OR51B5: variants seen among roughly 807,000 people sequenced by gnomAD.
OR51B5 encodes the protein olfactory receptor family 51 subfamily B member 5.
For synonymous variants in OR51B5, 186 were observed against 144.8 expected (o/e 1.28, Z -2.04); for missense variants, 456 against 374.6 (o/e 1.22, Z -1.79).
At chr11:5,368,808 CT>C (rs971240020) in intron 1 of OR51B5, among the ~76,000 whole-genome samples, 7 of 152,222 alleles carry the variant, frequency 4.6e-5, no homozygotes, top group African/African-American at 1.2e-4. Context: ...GATGGCTTTT[CT>C]TTTTTTCCCC....
At chr11:5,476,358 A>C (rs915567602) in intron 1 of OR51B5, among the ~76,000 whole-genome samples, 13 of 152,222 alleles carry the variant, frequency 8.5e-5, no homozygotes, top group Admixed American at 2.0e-4. Context: ...ACAAGTGACA[A>C]CACCAGCATT....
intron 1 of OR51B5, among the ~76,000 whole-genome samples, chr11:5,450,959 G>C (rs1014924765): frequency 4.6e-5 from 7 of 152,090 alleles, no homozygotes; most frequent in Admixed American, 4.6e-4. Flanking sequence ...AGAGAGAAGA[G>C]AGTCTTAAAA....
At chr11:5,345,194 A>G (rs1848972159), upstream of OR51B5, among the ~76,000 whole-genome samples, 1 of 152,188 alleles carries the variant, frequency 6.6e-6, no homozygotes, top group Non-Finnish European at 1.5e-5. Context: ...GAAAATCACA[A>G]TGGAAAATAG....
At chr11:5,343,443 A>G (rs1848937403) in exon 1 of OR51B5, 3 of 1,609,254 alleles carry the variant, frequency 1.9e-6, no homozygotes, top group Non-Finnish European at 2.6e-6. Flanking sequence ...AACAAGAAAA[A>G]TACGGAAATC....
At chr11:5,430,490 AG>A (rs1372690356) in intron 1 of OR51B5, among the ~76,000 whole-genome samples, 1 of 152,236 alleles carries the variant, frequency 6.6e-6, no homozygotes, top group Non-Finnish European at 1.5e-5. Flanking sequence ...TGAGATGGAA[AG>A]GGTTAGGAAT....
chr11:5,487,048 A>T (rs1328780279), intron 1 of OR51B5, among the ~76,000 whole-genome samples: 1 of 152,214 alleles, frequency 6.6e-6, no homozygotes, highest in Non-Finnish European at 1.5e-5. Context: ...AGAGATAGGA[A>T]TTCAAGTATT....
intron 1 of OR51B5, among the ~76,000 whole-genome samples, chr11:5,367,073 G>C (rs1849381097): frequency 6.6e-6 from 1 of 152,178 alleles, no homozygotes. Context: ...ATTCTCTCAA[G>C]TCTCAGGAAT....
chr11:5,346,416 GA>G (rs1231681203), upstream of OR51B5: 2 of 152,110 alleles, frequency 1.3e-5, no homozygotes, highest in Admixed American at 6.6e-5. Flanking sequence ...GGGAAGGAAA[GA>G]GATCATAAAG....
Position 5,404,246 on chromosome 11 carries a change from G to A in OR51B5, n.85-57336C>T, listed in dbSNP as rs548550770. On this transcript the variant is annotated intron_variant and non_coding_transcript_variant, in intron 1 of 4. Coordinates refer to the OR51B5 transcript ENST00000415970. ...GTAAATGCACCAATCAGTTCTCTGT[G>A]TCTAGCTAAAGGTTTGTAAACACAC... 4.5e-4 allele frequency among the ~76,000 whole-genome samples: 68 copies of A among 152,252 alleles called. 3 individuals are homozygous for A. In the South Asian group the frequency reaches 0.013, roughly 30 times the overall value.
At chr11:5,343,713 T>C (rs1333918884), upstream of OR51B5, 5 of 492,656 alleles carry the variant, frequency 1.0e-5, no homozygotes, top group Admixed American at 7.5e-5. Context: ...TATTCTTAAC[T>C]GCACATTCCA....
chr11:5,394,660 C>T (rs1849841498), intron 1 of OR51B5, among the ~76,000 whole-genome samples: 1 of 152,112 alleles, frequency 6.6e-6, no homozygotes, highest in Non-Finnish European at 1.5e-5. Context: ...TACATGTTTT[C>T]CCCTCTATCT....
chr11:5,448,313 C>G (rs374573400), intron 1 of OR51B5, among the ~76,000 whole-genome samples: 71 of 152,248 alleles, frequency 4.7e-4, no homozygotes, highest in African/African-American at 1.6e-3. Context: ...GATCCACACC[C>G]AGTAGATGTT....
At chr11:5,486,806 T>C (rs1286276737) in intron 1 of OR51B5, among the ~76,000 whole-genome samples, 1 of 152,122 alleles carries the variant, frequency 6.6e-6, no homozygotes, top group Non-Finnish European at 1.5e-5. Flanking sequence ...CTAAACACCA[T>C]CGGTCATCAG....
At chr11:5,464,232 C>T (rs1186393059) in intron 1 of OR51B5, among the ~76,000 whole-genome samples, 1 of 152,130 alleles carries the variant, frequency 6.6e-6, no homozygotes, top group African/African-American at 2.4e-5. Context: ...ATATTGTGAA[C>T]ACAAAATGCA....
At chr11:5,463,154 A>G (rs1300851368) in intron 1 of OR51B5, among the ~76,000 whole-genome samples, 3 of 152,210 alleles carry the variant, frequency 2.0e-5, no homozygotes, top group African/African-American at 7.2e-5. Flanking sequence ...TATGTATGAA[A>G]TAGAATAAAT....
At chr11:5,470,216 G>C (rs969283215) in intron 1 of OR51B5, among the ~76,000 whole-genome samples, 2 of 152,156 alleles carry the variant, frequency 1.3e-5, no homozygotes, top group Non-Finnish European at 2.9e-5. Flanking sequence ...TAAACTCATA[G>C]GCAATTCCCG....
At chr11:5,377,933 ATTTT>A (rs1849552656) in intron 1 of OR51B5, among the ~76,000 whole-genome samples, 1 of 152,078 alleles carries the variant, frequency 6.6e-6, no homozygotes, top group African/African-American at 2.4e-5. Context: ...GCTACCAATG[ATTTT>A]CTTCACAGAA....
intron 1 of OR51B5, among the ~76,000 whole-genome samples, chr11:5,399,632 AC>A (rs1354181318): frequency 6.6e-6 from 1 of 152,058 alleles, no homozygotes; most frequent in Non-Finnish European, 1.5e-5. Context: ...CCCTTTTGTA[AC>A]CTTTCAAGCT....
chr11:5,364,493 T>C lies in OR51B5; in HGVS notation n.85-17583A>G, dbSNP rs182014275. ...TTGTAATTCTCAATGGTCAGTCTCC[T>C]TGCTGGACTATAAATTCAACTACAT... On this transcript the variant is annotated intron_variant and non_coding_transcript_variant, in intron 1 of 4. Transcript: ENST00000415970. 1.4e-3 allele frequency among the ~76,000 whole-genome samples: 208 copies of C among 152,362 alleles called. 1 individual carries two copies. The highest frequency in any genetic ancestry group is 4.9e-3 in the African/African-American group (203 of 41,586).
Sources: allele counts gnomAD v4.1 joint callset (sites outside exome capture counted in the v4.1 genomes callset), GRCh38; gene constraint gnomAD v4.1.1; transcripts MANE v1.5; gene names NCBI Gene and HGNC (gene_info 2026-07-23, HGNC 2026-07-21).